Variants in CCSER1 observed in about 807,000 individuals in gnomAD.
The protein encoded by CCSER1 is coiled-coil serine rich protein 1, also known as serine-rich coiled-coil domain-containing protein 1.
In CCSER1, 41 loss-of-function variants were observed where a neutral mutation model predicts 82.0. The ratio of observed to expected loss-of-function variants is 0.50; its 90% CI spans 0.39 to 0.65. CCSER1 has a LOEUF of 0.65. CCSER1 is among the 30% of genes least tolerant of loss of function. CCSER1 has a pLI of 0.00. For synonymous variants in CCSER1, 414 were observed against 383.9 expected (o/e 1.08, Z -0.92); for missense variants, 1,119 against 1,064.2 (o/e 1.05, Z -0.72).
At chr4:90,790,336 A>T (rs1755066267) in intron 7 of CCSER1, among the ~76,000 whole-genome samples, 1 of 152,142 alleles carries the variant, frequency 6.6e-6, no homozygotes, top group Non-Finnish European at 1.5e-5. Context: ...CTTCTGAATA[A>T]AACATAATTT....
chr4:90,333,263 A>C (rs890457568), intron 3 of CCSER1, among the ~76,000 whole-genome samples: 1 of 152,130 alleles, frequency 6.6e-6, no homozygotes, highest in Admixed American at 6.6e-5. Context: ...TGCCTTTTAC[A>C]TAGGGTGCTC....
At chr4:90,594,555 C>A (rs1297518241) in intron 5 of CCSER1, among the ~76,000 whole-genome samples, 1 of 152,044 alleles carries the variant, frequency 6.6e-6, no homozygotes, top group African/African-American at 2.4e-5. Flanking sequence ...ATTGGGGAAG[C>A]AGTGATTTTG....
At chr4:91,285,031 A>C (rs1743177116) in intron 10 of CCSER1, among the ~76,000 whole-genome samples, 1 of 151,964 alleles carries the variant, frequency 6.6e-6, no homozygotes, top group Admixed American at 6.6e-5. Context: ...CAGAACTGCT[A>C]ATGTGAACAG....
rs566604834 is a variant in CCSER1, at chr4:90,150,412, G to T, written c.-42+22581G>T. ...TTTCACACATTTGGTGAATTCCTACGTAGTTATTAGTGGGGAAAGGATGTC... is the reference window on the plus strand; with the variant it reads ...TTTCACACATTTGGTGAATTCCTACTTAGTTATTAGTGGGGAAAGGATGTC... On this transcript the variant is annotated intron_variant, in intron 1 of 10. Transcript: ENST00000509176. Among the ~76,000 whole-genome samples, 322 of 152,180 alleles carry T rather than the reference G, an allele frequency of 2.1e-3. 3 individuals are homozygous for T. The highest frequency in any genetic ancestry group is 7.2e-3 in the African/African-American group (298 of 41,538).
At chr4:91,513,399 G>C in intron 10 of CCSER1, among the ~76,000 whole-genome samples, 1 of 151,912 alleles carries the variant, frequency 6.6e-6, no homozygotes, top group East Asian at 1.9e-4. Context: ...TCTGTGTTCA[G>C]CAGGGATATT....
At chr4:91,405,299 A>G (rs1007339989) in intron 10 of CCSER1, among the ~76,000 whole-genome samples, 8 of 152,038 alleles carry the variant, frequency 5.3e-5, no homozygotes, top group African/African-American at 1.9e-4. Flanking sequence ...ACCTTATACA[A>G]AAATTAATTG....
intron 10 of CCSER1, among the ~76,000 whole-genome samples, chr4:91,381,115 C>T (rs2178221): frequency 0.67 from 102,099 of 152,108 alleles, 34,729 homozygotes; most frequent in East Asian, 0.87. Context: ...CCATGAGATC[C>T]GCCATTACTC....
chr4:90,315,003 T>C (rs1186987337), intron 3 of CCSER1, among the ~76,000 whole-genome samples: 3 of 151,658 alleles, frequency 2.0e-5, no homozygotes, highest in Admixed American at 2.0e-4. Context: ...CCTGCCACCA[T>C]GCACAGATAA....
At chr4:90,490,315 G>A (rs1767778683) in intron 5 of CCSER1, among the ~76,000 whole-genome samples, 2 of 152,090 alleles carry the variant, frequency 1.3e-5, no homozygotes, top group South Asian at 4.2e-4. Flanking sequence ...CTGCATAAAT[G>A]TCTTCTTTTA....
At chr4:90,611,960 A>T (rs2148825865) in intron 5 of CCSER1, among the ~76,000 whole-genome samples, 1 of 151,544 alleles carries the variant, frequency 6.6e-6, no homozygotes, top group Non-Finnish European at 1.5e-5. Context: ...AGATACTCAA[A>T]TTTTTCCTGA....
Position 90,387,601 on chromosome 4 carries a change from A to T in CCSER1, c.1510-12435A>T, listed in dbSNP as rs369454721. On this transcript the variant is annotated intron_variant, in intron 3 of 10. Coordinates refer to ENST00000509176, the MANE Select transcript of CCSER1 (RefSeq NM_001145065.2). ...GCTTTGGGTCATGCAATATCAGTCA[A>T]CTTGGAGGCTGAGATTAACCATGTA... Among the ~76,000 whole-genome samples the T allele has an allele frequency of 3.3e-3, 510 of 152,298 alleles. 4 individuals are homozygous for T. The highest frequency in any genetic ancestry group is 0.011 in the African/African-American group (469 of 41,580).
At chr4:91,316,520 G>T (rs1001251258) in intron 10 of CCSER1, among the ~76,000 whole-genome samples, 2 of 151,982 alleles carry the variant, frequency 1.3e-5, no homozygotes, top group South Asian at 2.1e-4. Context: ...TGATTGTAAA[G>T]TAGGATATAC....
intron 4 of CCSER1, among the ~76,000 whole-genome samples, chr4:90,404,776 T>C (rs1429997360): frequency 6.6e-6 from 1 of 152,064 alleles, no homozygotes; most frequent in Non-Finnish European, 1.5e-5. Context: ...ATCACTGCAG[T>C]TCGGCTCTCA....
At chr4:91,102,738 A>G (rs369418805) in intron 10 of CCSER1, among the ~76,000 whole-genome samples, 40 of 152,308 alleles carry the variant, frequency 2.6e-4, no homozygotes, top group African/African-American at 9.4e-4. Context: ...CTGATCATGT[A>G]ATTATTTCTT....
chr4:90,282,405 G>T (rs1479717032), intron 1 of CCSER1, among the ~76,000 whole-genome samples: 2 of 151,062 alleles, frequency 1.3e-5, no homozygotes, highest in Non-Finnish European at 3.0e-5. Flanking sequence ...TAATCCATCT[G>T]TGAATCAAGT....
intron 7 of CCSER1, among the ~76,000 whole-genome samples, chr4:90,786,188 G>T (rs941944825): frequency 6.6e-6 from 1 of 152,142 alleles, no homozygotes; most frequent in Non-Finnish European, 1.5e-5. Context: ...GTTCTGTAGG[G>T]CACGTGGAAG....
At chr4:90,488,470 G>C (rs982177656) in intron 5 of CCSER1, among the ~76,000 whole-genome samples, 3 of 152,126 alleles carry the variant, frequency 2.0e-5, no homozygotes, top group Admixed American at 2.0e-4. Context: ...TTACAAGGGT[G>C]AGCCACTGCA....
chr4:90,464,121 G>A (rs28472605), intron 4 of CCSER1, among the ~76,000 whole-genome samples: 461 of 152,226 alleles, frequency 3.0e-3, no homozygotes, highest in African/African-American at 0.011. Flanking sequence ...CATAGTTTTT[G>A]TGGTGTAATA....
intron 10 of CCSER1, among the ~76,000 whole-genome samples, chr4:91,520,569 AT>A (rs1211207495): frequency 1.3e-5 from 2 of 152,078 alleles, no homozygotes; most frequent in Non-Finnish European, 2.9e-5. Context: ...GCAAAAACAC[AT>A]TTTTTACTGT....
Sources: gnomAD v4.1 joint callset for allele counts (sites outside exome capture counted in the v4.1 genomes callset) on GRCh38, gnomAD v4.1.1 for gene constraint, MANE v1.5 for transcripts, NCBI Gene and HGNC (gene_info 2026-07-23, HGNC 2026-07-21) for gene names.